Variants in CREM observed in about 807,000 individuals in gnomAD.
CREM encodes cAMP-responsive element modulator.
Under a neutral mutation model 37.3 loss-of-function variants are expected in CREM, and 13 were observed. That is an observed-to-expected ratio of 0.35 (90% CI 0.23 to 0.55). CREM has a LOEUF of 0.55. Among genes scored for constraint, CREM ranks in the 20% least tolerant of loss-of-function variants. The probability of loss-of-function intolerance (pLI) is 0.88; values close to 1 mark genes in which losing one functional copy is unlikely to be tolerated. For missense variants in CREM, 296 were observed against 362.3 expected, an observed-to-expected ratio of 0.82 and a Z score of 1.49; for synonymous variants, 124 against 120.2, an observed-to-expected ratio of 1.03 and a Z score of -0.21.
intron 1 of CREM, among the ~76,000 whole-genome samples, chr10:35,128,768 G>T (rs938774951): frequency 6.6e-6 from 1 of 151,776 alleles, no homozygotes; most frequent in African/African-American, 2.4e-5. Context: ...CTCGTGATCC[G>T]CCCGCGTCGG....
intron 2 of CREM, among the ~76,000 whole-genome samples, chr10:35,138,100 A>G (rs1162654238): frequency 4.6e-5 from 7 of 152,240 alleles, no homozygotes; most frequent in Non-Finnish European, 1.0e-4. Flanking sequence ...GACTTATGCT[A>G]AGTACTAGTC....
intron 6 of CREM, among the ~76,000 whole-genome samples, chr10:35,203,973 ATTG>A (rs2095454088): frequency 6.6e-6 from 1 of 152,140 alleles, no homozygotes; most frequent in African/African-American, 2.4e-5. Context: ...GTCACTGGCT[ATTG>A]TTCCAATTTT....
chr10:35,145,400 C>T (rs1215579467), intron 2 of CREM, among the ~76,000 whole-genome samples: 7 of 152,092 alleles, frequency 4.6e-5, no homozygotes, highest in South Asian at 2.1e-4. Context: ...CTTCAATATA[C>T]GACTCATATG....
At chr10:35,136,069 C>A (rs1177822823) in intron 1 of CREM, among the ~76,000 whole-genome samples, 1 of 152,128 alleles carries the variant, frequency 6.6e-6, no homozygotes, top group African/African-American at 2.4e-5. Context: ...GCTCCCATGG[C>A]CGGAAGTTGG....
chr10:35,139,743 G>A (rs1240288758), intron 2 of CREM, among the ~76,000 whole-genome samples: 2 of 152,116 alleles, frequency 1.3e-5, no homozygotes, highest in Non-Finnish European at 2.9e-5. Context: ...TGTTCTATGA[G>A]ACATCTCTTC....
rs557858856 is a variant in CREM at position 35,162,896 on chromosome 10, A to C, written c.168+14405A>C. ...GGCACCAGCAAATCATGGCCACCAG[A>C]AAATAAAATCAAATACAAAATAATA... On this transcript the variant is annotated intron_variant, in intron 3 of 7. Transcript: ENST00000685392. Among the ~76,000 whole-genome samples the C allele has an allele frequency of 8.5e-5, 13 of 152,334 alleles. No individual in the cohort carries two copies. In the East Asian group the frequency reaches 2.5e-3, roughly 29 times the overall value.
At chr10:35,207,490 T>C (rs1266815220) in intron 7 of CREM, among the ~76,000 whole-genome samples, 3 of 151,068 alleles carry the variant, frequency 2.0e-5, no homozygotes, top group Non-Finnish European at 4.4e-5. Flanking sequence ...AAATTACAGT[T>C]TTCAGCTGGG....
chr10:35,208,039 A>G (rs2095576822), intron 7 of CREM, among the ~76,000 whole-genome samples: 2 of 152,348 alleles, frequency 1.3e-5, no homozygotes, highest in South Asian at 2.1e-4. Context: ...GAAGTAGGTG[A>G]TAAGTCGAAT....
chr10:35,186,500 T>C (rs1436619640), intron 5 of CREM, among the ~76,000 whole-genome samples: 1 of 151,334 alleles, frequency 6.6e-6, no homozygotes, highest in Non-Finnish European at 1.5e-5. Context: ...TTTAAGGACC[T>C]TTGCAACTTG....
At chr10:35,187,207 T>C (rs1564923422) in intron 5 of CREM, among the ~76,000 whole-genome samples, 1 of 73,856 alleles carries the variant, frequency 1.4e-5, no homozygotes, top group African/African-American at 4.7e-5. Context: ...ATATAATATA[T>C]ATTATATATT....
intron 1 of CREM, among the ~76,000 whole-genome samples, chr10:35,135,736 AAAAAAAAGAG>A (rs1213592746): frequency 2.3e-4 from 31 of 132,398 alleles, no homozygotes; most frequent in Non-Finnish European, 3.4e-4. Flanking sequence ...AAAAAAAAAA[AAAAAAAAGAG>A]AGACATTAAA....
rs545367893 is a variant in CREM, at chr10:35,169,456, CTT to C, written c.169-9431_169-9430del. ...TGCACATTGATTTTGTATCCTGAGA[CTT>C]TGCTGAAGTTGCTTATCAGCTTAAG... On this transcript the variant is annotated intron_variant, in intron 3 of 7. Coordinates refer to ENST00000685392, the MANE Select transcript of CREM (RefSeq NM_183011.2). 2.2e-3 allele frequency among the ~76,000 whole-genome samples: 342 copies of C among 152,328 alleles called. 3 individuals carry two copies. Among genetic ancestry groups the C allele is most frequent in the Middle Eastern group, 0.017 (5 of 294 alleles).
chr10:35,163,252 A>G (rs2093380219), intron 3 of CREM, among the ~76,000 whole-genome samples: 1 of 152,068 alleles, frequency 6.6e-6, no homozygotes, highest in Non-Finnish European at 1.5e-5. Context: ...GAGAACAAAA[A>G]TATTAAATGT....
intron 6 of CREM, among the ~76,000 whole-genome samples, chr10:35,194,745 T>C (rs1359847270): frequency 6.6e-6 from 1 of 150,852 alleles, no homozygotes; most frequent in African/African-American, 2.4e-5. Context: ...CAATGTGTTT[T>C]TTTTTTTTTT....
chr10:35,142,697 C>CT (rs1160749837), intron 2 of CREM, among the ~76,000 whole-genome samples: 3 of 152,198 alleles, frequency 2.0e-5, no homozygotes, highest in African/African-American at 7.2e-5. Context: ...TCTTGACCTC[C>CT]TGAGCTCAAG....
chr10:35,170,934 C>T (rs1465532438), intron 3 of CREM, among the ~76,000 whole-genome samples: 1 of 152,058 alleles, frequency 6.6e-6, no homozygotes, highest in Non-Finnish European at 1.5e-5. Flanking sequence ...TAAAAGGAGA[C>T]ATTTGAATTC....
intron 7 of CREM, among the ~76,000 whole-genome samples, chr10:35,208,709 T>C (rs751038911): frequency 4.6e-5 from 7 of 152,160 alleles, no homozygotes; most frequent in South Asian, 2.1e-4. Context: ...GAGCCAAAAA[T>C]TGGGGCTAGC....
intron 1 of CREM, among the ~76,000 whole-genome samples, chr10:35,130,877 A>G (rs2089236438): frequency 6.6e-6 from 1 of 152,252 alleles, no homozygotes; most frequent in Non-Finnish European, 1.5e-5. Flanking sequence ...GTGAAGCATA[A>G]CTAATTCAGT....
intron 3 of CREM, among the ~76,000 whole-genome samples, chr10:35,151,444 C>G (rs7079536): frequency 0.026 from 3,963 of 152,314 alleles, 171 homozygotes; most frequent in African/African-American, 0.091. Flanking sequence ...ACTGCAACCT[C>G]TGCTCACTGC....
Sources: allele counts gnomAD v4.1 joint callset (sites outside exome capture counted in the v4.1 genomes callset), GRCh38; gene constraint gnomAD v4.1.1; transcripts MANE v1.5; gene names NCBI Gene and HGNC (gene_info 2026-07-23, HGNC 2026-07-21).